Variants in SNX13 observed in about 807,000 individuals in gnomAD.
SNX13 encodes the protein sorting nexin-13.
SNX13 carries 45 observed loss-of-function variants against 133.6 expected under a neutral mutation model. The observed-to-expected ratio is 0.34, with a 90% confidence interval of 0.27 to 0.43. The LOEUF (loss-of-function observed/expected upper bound fraction) is 0.43. SNX13 is among the 20% of genes least tolerant of loss of function. SNX13 has a pLI of 1.00. For missense variants in SNX13, 1,032 were observed against 1,145.1 expected, an observed-to-expected ratio of 0.90 and a Z score of 1.43; for synonymous variants, 414 against 373.9, an observed-to-expected ratio of 1.11 and a Z score of -1.24.
intron 9 of SNX13, among the ~76,000 whole-genome samples, chr7:17,862,978 C>A (rs1229174881): frequency 6.6e-6 from 1 of 152,178 alleles, no homozygotes; most frequent in Non-Finnish European, 1.5e-5. Context: ...TCCACCACCC[C>A]TCCCCTCAAC....
intron 21 of SNX13, among the ~76,000 whole-genome samples, chr7:17,802,175 A>G (rs187672340): frequency 9.5e-4 from 144 of 152,122 alleles, no homozygotes; most frequent in African/African-American, 3.2e-3. Flanking sequence ...AGCCTAGGTG[A>G]GAAGTAGGTT....
At chr7:17,884,593 C>A (rs966328765) in intron 5 of SNX13, among the ~76,000 whole-genome samples, 2 of 152,116 alleles carry the variant, frequency 1.3e-5, no homozygotes, top group Admixed American at 1.3e-4. Flanking sequence ...AATAGAGTTC[C>A]CACTTGTGAC....
At chr7:17,859,705 C>T (rs948997633) in intron 9 of SNX13, among the ~76,000 whole-genome samples, 1 of 152,112 alleles carries the variant, frequency 6.6e-6, no homozygotes, top group African/African-American at 2.4e-5. Flanking sequence ...ATCCCAGCAA[C>T]CAACATTTTA....
intron 1 of SNX13, among the ~76,000 whole-genome samples, chr7:17,929,933 A>G (rs1801202853): frequency 6.6e-6 from 1 of 152,206 alleles, no homozygotes; most frequent in South Asian, 2.1e-4. Context: ...AAAGAATTAG[A>G]TCATCTGGGT....
intron 13 of SNX13, among the ~76,000 whole-genome samples, chr7:17,838,702 G>C (rs1056817611): frequency 6.6e-6 from 1 of 151,642 alleles, no homozygotes; most frequent in African/African-American, 2.4e-5. Context: ...GTCATTTCTT[G>C]TTGACTCAGA....
At chr7:17,874,153 C>T (rs1200057678) in intron 7 of SNX13, among the ~76,000 whole-genome samples, 2 of 152,056 alleles carry the variant, frequency 1.3e-5, no homozygotes, top group East Asian at 3.9e-4. Flanking sequence ...TATAAATTGA[C>T]CCTTGAACAA....
At chr7:17,875,108 G>C (rs1031271103) in intron 7 of SNX13, among the ~76,000 whole-genome samples, 3 of 152,038 alleles carry the variant, frequency 2.0e-5, no homozygotes, top group Non-Finnish European at 4.4e-5. Context: ...CCAGGCTCCG[G>C]TGATTCTCCC....
intron 15 of SNX13, 110 bp downstream of exon 15, chr7:17,833,942 G>T (rs755965856): frequency 7.4e-5 from 56 of 755,068 alleles, no homozygotes; most frequent in Non-Finnish European, 1.0e-4. Flanking sequence ...ATATATTACA[G>T]TTTATATTTG....
intron 1 of SNX13, among the ~76,000 whole-genome samples, chr7:17,915,433 A>C (rs1047818949): frequency 6.6e-6 from 1 of 152,192 alleles, no homozygotes; most frequent in South Asian, 2.1e-4. Flanking sequence ...CCCTCTTGTA[A>C]ATTCCTATAT....
chr7:17,868,263 T>C, intron 9 of SNX13, 144 bp downstream of exon 9: 2 of 647,158 alleles, frequency 3.1e-6, no homozygotes, highest in Non-Finnish European at 2.6e-6. Context: ...CAAATAAAAA[T>C]ATTGGAAACA....
intron 17 of SNX13, among the ~76,000 whole-genome samples, chr7:17,823,150 C>T (rs192440031): frequency 5.1e-4 from 77 of 152,240 alleles, no homozygotes; most frequent in Non-Finnish European, 8.7e-4. Flanking sequence ...ACTATGAGCC[C>T]CTTGCTTTAA....
chr7:17,798,513 G>C (rs184014336), intron 24 of SNX13, among the ~76,000 whole-genome samples, 177 bp downstream of exon 24: 1 of 151,920 alleles, frequency 6.6e-6, no homozygotes, highest in Admixed American at 6.6e-5. Flanking sequence ...AAGAAACAAA[G>C]ATCAATAGGT....
rs113648821 is a variant in SNX13 at position 17,853,079 on chromosome 7, A to G, written c.838-2115T>C. Among the ~76,000 whole-genome samples the G allele has an allele frequency of 1.9e-3, 290 of 152,370 alleles. 6 individuals carry two copies. Among genetic ancestry groups the G allele is most frequent in the African/African-American group, 6.5e-3 (272 of 41,582 alleles). ...TCAGAAGAGTGGGCCAGGTAACATA[A>G]CAGGAAAAATTTAATGATTGCAAGG... On this transcript the variant is annotated intron_variant, in intron 9 of 25. Coordinates refer to ENST00000428135, the MANE Select transcript of SNX13 (RefSeq NM_015132.5).
chr7:17,801,368 T>C (rs529850165), intron 22 of SNX13, among the ~76,000 whole-genome samples: 2 of 151,884 alleles, frequency 1.3e-5, no homozygotes, highest in East Asian at 3.9e-4. Flanking sequence ...GCGAAGGTCC[T>C]AACAGGAACA....
At chr7:17,896,121 G>A (rs1306086669) in intron 2 of SNX13, among the ~76,000 whole-genome samples, 1 of 152,144 alleles carries the variant, frequency 6.6e-6, no homozygotes, top group African/African-American at 2.4e-5. Flanking sequence ...GTATAATTAG[G>A]AAACCCATTT....
chr7:17,804,184 A>G (rs1784935227), intron 20 of SNX13, among the ~76,000 whole-genome samples: 1 of 152,204 alleles, frequency 6.6e-6, no homozygotes, highest in Non-Finnish European at 1.5e-5. Context: ...TTGAATAAAA[A>G]AAGTTTTCCA....
intron 11 of SNX13, among the ~76,000 whole-genome samples, chr7:17,848,726 A>C (rs1790843625): frequency 6.6e-6 from 1 of 152,216 alleles, no homozygotes; most frequent in Non-Finnish European, 1.5e-5. Context: ...CCGAAGTGGC[A>C]GGCTGGTTCC....
chr7:17,904,893 G>A (rs1211405170), intron 1 of SNX13, among the ~76,000 whole-genome samples: 1 of 152,116 alleles, frequency 6.6e-6, no homozygotes, highest in African/African-American at 2.4e-5. Context: ...GTGGAACCCT[G>A]TCTCATTCAG....
At chr7:17,894,487 G>GA (rs200594532) in intron 2 of SNX13, among the ~76,000 whole-genome samples, 16 of 150,080 alleles carry the variant, frequency 1.1e-4, no homozygotes, top group South Asian at 4.2e-4. Context: ...GCTATTTAGG[G>GA]AAAAAAAAAT....
Sources: allele counts gnomAD v4.1 joint callset (sites outside exome capture counted in the v4.1 genomes callset), GRCh38; gene constraint gnomAD v4.1.1; transcripts MANE v1.5; gene names NCBI Gene and HGNC (gene_info 2026-07-23, HGNC 2026-07-21).